The following ZNF865 variants were observed in gnomAD, a reference collection of about 807,000 sequenced individuals.
ZNF865 encodes zinc finger protein 865.
For synonymous variants in ZNF865, 763 were observed against 750.8 expected, an observed-to-expected ratio of 1.02 and a Z score of -0.27; for missense variants, 1,311 against 1,593.4, an observed-to-expected ratio of 0.82 and a Z score of 3.02.
chr19:55,610,803 G>T (rs937394193), intron 1 of ZNF865, among the ~76,000 whole-genome samples: 1 of 152,200 alleles, frequency 6.6e-6, no homozygotes, highest in South Asian at 2.1e-4. Flanking sequence ...TGAAACACCT[G>T]CGGCTGGATG....
In ZNF865 at chr19:55,616,891, C is replaced by A; in HGVS notation, c.*93C>A. On this transcript the variant is annotated 3_prime_UTR_variant, in exon 2 of 2. Coordinates refer to ENST00000568956, the MANE Select transcript of ZNF865 (RefSeq NM_001195605.2). ...GACTCTTCCCCCCTCCTCGCTGTTG[C>A]CCCATCCTTCAGAACTTCACACGGA... 7.6e-7 allele frequency: 1 copy of A among 1,319,280 alleles called. No individual in the cohort carries two copies. The highest frequency in any genetic ancestry group is 9.9e-7 in the Non-Finnish European group (1 of 1,012,910). The allele number at this position is 1,319,280 out of a possible 1,614,324, so 81.7% of individuals were successfully genotyped here. A position where few individuals can be genotyped will look rare whatever the true frequency, so the allele number is the denominator to read the frequency against.
At position 55,615,588 on chromosome 19, in the gene ZNF865, C is replaced by T. The variant is rs1441761353; in HGVS notation, c.1970C>T (p.Ser657Leu). 6.5e-6 allele frequency: 10 copies of T among 1,531,026 alleles called. No homozygotes were observed. In the Admixed American group the frequency reaches 1.6e-4, roughly 24 times the overall value. 94.8% of individuals were successfully genotyped at this position (1,531,026 alleles called of 1,614,324 possible). The change falls in exon 2 of 2, where the codon TCG becomes TTG. Residue 657 changes from serine to leucine, a missense_variant. Physicochemically the swap from Ser to Leu is moderately radical, Grantham distance 145. Transcript: ENST00000568956. The stretch of plus-strand genomic sequence containing the variant: ...CCGGGGGCCTGTGGGCCCGGGGCCT[C>T]GGGCACGTCTGCAGGGCCCACCGAT... The part of the protein sequence containing the change: ...GTPGACGPGA[S>L]GTSAGPTDGL...
At position 55,613,921 on chromosome 19, in the gene ZNF865, CTCCTCCTCTTCG is replaced by C; in HGVS notation, c.312_323del (p.Ser114_Ser117del). ...CCTCGTCCTCGTCCTCGTCCTCCTCCTCCTCCTCTTCGTCCTCCTCGTCGTCATCTTCGTCCT... is the reference window on the plus strand; with the variant it reads ...CCTCGTCCTCGTCCTCGTCCTCCTCCTCCTCCTCGTCGTCATCTTCGTCCT... On this transcript the variant is annotated inframe_deletion, in exon 2 of 2. Transcript: ENST00000568956. 6.5e-7 allele frequency: 1 copy of C among 1,527,166 alleles called. No homozygotes were observed. The highest frequency in any genetic ancestry group is 1.4e-5 in the African/African-American group (1 of 72,596). The allele number at this position is 1,527,166 out of a possible 1,614,324, so 94.6% of individuals were successfully genotyped here.
chr19:55,614,577 C>T lies in ZNF865; in HGVS notation c.959C>T (p.Pro320Leu). The change falls in exon 2 of 2, where the codon CCC becomes CTC. Residue 320 changes from proline to leucine, a missense_variant. Coordinates refer to ENST00000568956, the MANE Select transcript of ZNF865 (RefSeq NM_001195605.2). This position sits in a 1 kb window ranked among gnomAD's most constrained non-coding sequence, Gnocchi z 8.0. The part of the protein sequence containing the change: ...STVSSGPPAT[P>L]VAPAPSADGS... ...GTGTCCTCGGGCCCTCCAGCCACGC[C>T]CGTGGCGCCTGCCCCCTCCGCAGAC... The T allele has an allele frequency of 3.3e-6, 5 of 1,508,300 alleles. No individual in the cohort carries two copies. Among genetic ancestry groups the T allele is most frequent in the Non-Finnish European group, 2.6e-6 (3 of 1,134,452 alleles). The allele number at this position is 1,508,300 out of a possible 1,614,324, so 93.4% of individuals were successfully genotyped here.
rs748838210 is a variant in ZNF865, at chr19:55,615,374, C to A, written c.1756C>A (p.Arg586Ser). ...CCACCAGTGCCCCGTGTGTGGGAAG[C>A]GCTTCCGCGAATCCTTCCACTTGAG... ...KPHQCPVCGK[R>S]FRESFHLSKH... Residue 586 changes from arginine to serine, a missense_variant, in exon 2 of 2, where the codon CGC (arginine) becomes AGC (serine). Transcript: ENST00000568956. 3.3e-6 allele frequency: 5 copies of A among 1,502,362 alleles called. No homozygotes were observed. Among genetic ancestry groups the A allele is most frequent in the Non-Finnish European group, 4.4e-6 (5 of 1,131,594 alleles). 93.1% of individuals were successfully genotyped at this position (1,502,362 alleles called of 1,614,324 possible).
Position 55,615,017 on chromosome 19 carries a change from G to A in ZNF865, c.1399G>A (p.Ala467Thr). 2.2e-6 allele frequency: 3 copies of A among 1,342,132 alleles called. No homozygotes were observed. The highest frequency in any genetic ancestry group is 2.9e-6 in the Non-Finnish European group (3 of 1,051,558). 83.1% of individuals were successfully genotyped at this position (1,342,132 alleles called of 1,614,324 possible). Residue 467 changes from alanine to threonine, a missense_variant, in exon 2 of 2, where the codon GCT (alanine) becomes ACT (threonine). Coordinates refer to ENST00000568956, the MANE Select transcript of ZNF865 (RefSeq NM_001195605.2). Reference protein sequence around the residue: ...LRHKAAHAPPAAAAEAPKDGA... With the variant: ...LRHKAAHAPPTAAAEAPKDGA... ...CCACAAGGCCGCCCACGCCCCGCCC[G>A]CTGCCGCTGCGGAGGCGCCCAAGGA...
chr19:55,616,372 C>T lies in ZNF865; in HGVS notation c.2754C>T (p.Ser918=). ...VCAKRFAQSS[S]LAEHRRLHAV... Reference sequence around the variant, plus strand: ...CCAAGCGCTTCGCGCAGTCGTCCAGCCTGGCAGAGCACCGGCGGCTGCACG... The same window carrying T: ...CCAAGCGCTTCGCGCAGTCGTCCAGTCTGGCAGAGCACCGGCGGCTGCACG... The change falls in exon 2 of 2, where the codon AGC becomes AGT. Residue 918 remains serine, a synonymous_variant. Coordinates refer to ENST00000568956, the MANE Select transcript of ZNF865 (RefSeq NM_001195605.2). 2 of 1,517,012 alleles carry T rather than the reference C, an allele frequency of 1.3e-6. No homozygotes were observed. The highest frequency in any genetic ancestry group is 1.8e-6 in the Non-Finnish European group (2 of 1,138,000). The allele number at this position is 1,517,012 out of a possible 1,614,324, so 94.0% of individuals were successfully genotyped here.
chr19:55,616,862 A>G lies in ZNF865; in HGVS notation c.*64A>G, dbSNP rs935656710. 1.4e-5 allele frequency: 19 copies of G among 1,392,432 alleles called. No individual in the cohort carries two copies. The highest frequency in any genetic ancestry group is 1.8e-5 in the Non-Finnish European group (19 of 1,072,274). 86.3% of individuals were successfully genotyped at this position (1,392,432 alleles called of 1,614,324 possible). Reference sequence around the variant, plus strand: ...TCTGGACTCCCACCTCCCAGGACTGATCAGACTCTTCCCCCCTCCTCGCTG... The same window carrying G: ...TCTGGACTCCCACCTCCCAGGACTGGTCAGACTCTTCCCCCCTCCTCGCTG... On this transcript the variant is annotated 3_prime_UTR_variant, in exon 2 of 2. Transcript: ENST00000568956.
Position 55,611,937 on chromosome 19 carries a change from G to A in ZNF865, c.-26-1656G>A, listed in dbSNP as rs1342220006. 3.9e-5 allele frequency among the ~76,000 whole-genome samples: 6 copies of A among 152,178 alleles called. No individual in the cohort carries two copies. The highest frequency in any genetic ancestry group is 5.9e-5 in the Non-Finnish European group (4 of 68,032). On this transcript the variant is annotated intron_variant, in intron 1 of 1. Transcript: ENST00000568956. The surrounding 1 kb of genome is among the most constrained non-coding windows in gnomAD (Gnocchi z 4.5). The stretch of plus-strand genomic sequence containing the variant: ...CACATGGATACCTGCCATCTGGAAT[G>A]AAAAGTCGTGTAAAGGAGGTGCCAG...
intron 1 of ZNF865, among the ~76,000 whole-genome samples, chr19:55,610,550 C>T (rs529274841): frequency 6.8e-4 from 103 of 152,328 alleles, no homozygotes; most frequent in African/African-American, 1.9e-3. Context: ...TGTGGGCCAC[C>T]GCACCTGGCC....
At chr19:55,609,085 G>A (rs551115807) in intron 1 of ZNF865, among the ~76,000 whole-genome samples, 12 of 152,098 alleles carry the variant, frequency 7.9e-5, no homozygotes, top group Non-Finnish European at 1.5e-4. Flanking sequence ...GTGCAGTGGC[G>A]TGAGCTCACT....
In ZNF865 at chr19:55,617,006, A is replaced by C; in HGVS notation, c.*208A>C. 2.1e-6 allele frequency: 1 copy of C among 473,848 alleles called. No homozygotes were observed. The highest frequency in any genetic ancestry group is 3.5e-5 in the East Asian group (1 of 28,812). The allele number at this position is 473,848 out of a possible 1,614,324, so 29.4% of individuals were successfully genotyped here. A position where few individuals can be genotyped will look rare whatever the true frequency, so the allele number is the denominator to read the frequency against. On this transcript the variant is annotated 3_prime_UTR_variant, in exon 2 of 2. Transcript: ENST00000568956. ...CTGCCCTCCCCTCATCCCATCAGAC[A>C]CTGAACCCTATCCTCCGTCCAACCC...
In ZNF865 at chr19:55,613,777, G is replaced by A. The variant is rs866411766; in HGVS notation, c.159G>A (p.Lys53=). 28 of 1,533,776 alleles carry A rather than the reference G, an allele frequency of 1.8e-5. No homozygotes were observed. In the African/African-American group the frequency reaches 2.5e-4, roughly 14 times the overall value. The change falls in exon 2 of 2, where the codon AAG becomes AAA. Residue 53 remains lysine, a synonymous_variant. Transcript: ENST00000568956. ...EPMELYGEHA[K]AVAALPCAPG... is the part of the protein sequence containing the mutation. ...TGGAACTGTATGGGGAACACGCCAAGGCGGTGGCGGCCCTGCCCTGCGCCC... is the reference window on the plus strand; with the variant it reads ...TGGAACTGTATGGGGAACACGCCAAAGCGGTGGCGGCCCTGCCCTGCGCCC...
At position 55,614,690 on chromosome 19, in the gene ZNF865, GT is replaced by G; in HGVS notation, c.1076del (p.Phe359SerfsTer35). The G allele has an allele frequency of 6.4e-7, 1 of 1,573,220 alleles. No individual in the cohort carries two copies. The highest frequency in any genetic ancestry group is 2.3e-5 in the East Asian group (1 of 42,962). ...GTTCGCCTGCCCACTCTGCTGGAAGGTTTTCAAGAAGCCCAGTCACCTCCAC... is the reference window on the plus strand; with the variant it reads ...GTTCGCCTGCCCACTCTGCTGGAAGGTTTCAAGAAGCCCAGTCACCTCCAC... ...GPFACPLCWK[V>X]FKKPSHLHQH... is the part of the protein sequence containing the mutation. On this transcript the variant is annotated frameshift_variant, in exon 2 of 2. Transcript: ENST00000568956. LOFTEE classifies it low-confidence loss of function (END_TRUNC). The surrounding 1 kb of genome is among the most constrained non-coding windows in gnomAD (Gnocchi z 8.0).
rs750641910 is a variant in ZNF865, at chr19:55,616,302, G to A, written c.2684G>A (p.Arg895His). Residue 895 changes from arginine to histidine, a missense_variant, in exon 2 of 2, where the codon CGC becomes CAC. Transcript: ENST00000568956. ...CGCTCCTGGTACCTGCGGCAGCACCGCGTGGTGCACACTGGCGAGCGGGCC... is the reference window on the plus strand; with the variant it reads ...CGCTCCTGGTACCTGCGGCAGCACCACGTGGTGCACACTGGCGAGCGGGCC... ...FLRSWYLRQHRVVHTGERAFK... is the reference protein window; with the variant it reads ...FLRSWYLRQHHVVHTGERAFK... The A allele has an allele frequency of 8.5e-6, 13 of 1,520,478 alleles. No homozygotes were observed. In the Middle Eastern group the frequency reaches 8.5e-4, roughly 100 times the overall value. 94.2% of individuals were successfully genotyped at this position (1,520,478 alleles called of 1,614,324 possible). A position where few individuals can be genotyped will look rare whatever the true frequency, so the allele number is the denominator to read the frequency against.
rs1298670478 is a variant in ZNF865 at position 55,615,824 on chromosome 19, C to G, written c.2206C>G (p.Pro736Ala). 3 of 1,505,546 alleles carry G rather than the reference C, an allele frequency of 2.0e-6. No individual in the cohort carries two copies. The highest frequency in any genetic ancestry group is 2.6e-6 in the Non-Finnish European group (3 of 1,133,780). The allele number at this position is 1,505,546 out of a possible 1,614,324, so 93.3% of individuals were successfully genotyped here. ...LLPPAPGGLQ[P>A]PDGSSGTDAA... ...CCCGCCCGCACCCGGCGGCCTGCAG[C>G]CCCCGGACGGCTCCAGCGGCACGGA... The change falls in exon 2 of 2, where the codon CCC becomes GCC. Residue 736 changes from proline (P) to alanine (A), a missense_variant. Physicochemically the swap from Pro to Ala is conservative, Grantham distance 27. Transcript: ENST00000568956.
chr19:55,606,158 G>C (rs934138598), intron 1 of ZNF865, among the ~76,000 whole-genome samples: 4 of 152,130 alleles, frequency 2.6e-5, no homozygotes, highest in East Asian at 1.9e-4. Flanking sequence ...TGTTTCCTTA[G>C]TGCCTTGCAG....
In ZNF865 at chr19:55,616,424, G is replaced by T; in HGVS notation, c.2806G>T (p.Ala936Ser). Residue 936 changes from alanine to serine, a missense_variant, in exon 2 of 2, where the codon GCC becomes TCC. Physicochemically the swap from Ala to Ser is moderately conservative, Grantham distance 99. Coordinates refer to ENST00000568956, the MANE Select transcript of ZNF865 (RefSeq NM_001195605.2). ...TGTGGCCCGGCCCCAGCGCTGCAGC[G>T]CCTGTGGCAAGACCTTCCGCTACCG... is the stretch of plus-strand genomic sequence containing the variant. ...HAVARPQRCSACGKTFRYRSN... is the reference protein window; with the variant it reads ...HAVARPQRCSSCGKTFRYRSN... 6.6e-7 allele frequency: 1 copy of T among 1,513,350 alleles called. No homozygotes were observed. The highest frequency in any genetic ancestry group is 1.7e-4 in the Middle Eastern group (1 of 5,874). The allele number at this position is 1,513,350 out of a possible 1,614,324, so 93.7% of individuals were successfully genotyped here.
Position 55,615,175 on chromosome 19 carries a change from C to T in ZNF865, c.1557C>T (p.Pro519=), listed in dbSNP as rs1162536443. ...AAAAVVYGAV[P]VPLLGAHPLL... The stretch of plus-strand genomic sequence containing the variant: ...CGGCGGTGGTGTACGGCGCTGTGCC[C>T]GTCCCGCTCCTGGGCGCCCACCCGC... The change falls in exon 2 of 2, where the codon CCC becomes CCT. Residue 519 remains proline, a synonymous_variant. Coordinates refer to ENST00000568956, the MANE Select transcript of ZNF865 (RefSeq NM_001195605.2). The T allele has an allele frequency of 3.6e-6, 5 of 1,380,316 alleles. No individual in the cohort carries two copies. In the Admixed American group the frequency reaches 1.1e-4, roughly 30 times the overall value. The allele number at this position is 1,380,316 out of a possible 1,614,324, so 85.5% of individuals were successfully genotyped here. A position where few individuals can be genotyped will look rare whatever the true frequency, so the allele number is the denominator to read the frequency against.
Sources: allele counts gnomAD v4.1 joint callset (sites outside exome capture counted in the v4.1 genomes callset), GRCh38; gene constraint gnomAD v4.1.1; non-coding constraint Gnocchi (gnomAD v3.1); transcripts MANE v1.5; gene names NCBI Gene and HGNC (gene_info 2026-07-23, HGNC 2026-07-21).